Variants in LRRC49 observed in about 807,000 individuals in gnomAD.
LRRC49 encodes the protein leucine rich repeat containing 49.
A neutral mutation model predicts 83.3 loss-of-function variants in LRRC49; 50 were observed. That is an observed-to-expected ratio of 0.60 (90% CI 0.48 to 0.76). LRRC49 has a LOEUF of 0.76. Ranked by LOEUF, LRRC49 falls within the 30% of genes least tolerant of loss-of-function variation. The pLI, the probability that LRRC49 is intolerant of heterozygous loss-of-function variation, is 0.00. For synonymous variants in LRRC49, 286 were observed against 283.3 expected, an observed-to-expected ratio of 1.01 and a Z score of -0.10; for missense variants, 704 against 809.1, an observed-to-expected ratio of 0.87 and a Z score of 1.58.
At chr15:70,978,590 G>T (rs1327719311) in intron 9 of LRRC49, among the ~76,000 whole-genome samples, 2 of 152,122 alleles carry the variant, frequency 1.3e-5, no homozygotes, top group Non-Finnish European at 2.9e-5. Flanking sequence ...GTTGAAATCT[G>T]GTAGGAGTAT....
chr15:70,856,655 C>T (rs2032661194), intron 1 of LRRC49, among the ~76,000 whole-genome samples: 1 of 152,216 alleles, frequency 6.6e-6, no homozygotes, highest in Non-Finnish European at 1.5e-5. Context: ...GAGCGGAGGA[C>T]AGAAACCCTC....
At chr15:70,892,970 CT>C in intron 1 of LRRC49, 28 bp downstream of exon 1, 1 of 1,612,302 alleles carries the variant, frequency 6.2e-7, no homozygotes, top group Non-Finnish European at 8.5e-7. Context: ...CTTTCTCTTT[CT>C]TCCCACTGGT....
intron 14 of LRRC49, among the ~76,000 whole-genome samples, chr15:71,032,951 G>A (rs908806243): frequency 3.9e-5 from 6 of 152,074 alleles, no homozygotes; most frequent in Admixed American, 6.6e-5. Context: ...AAAACCAGCA[G>A]AAGATAAGGA....
intron 7 of LRRC49, among the ~76,000 whole-genome samples, chr15:70,921,462 A>G (rs571636836): frequency 6.6e-6 from 1 of 152,192 alleles, no homozygotes; most frequent in East Asian, 1.9e-4. Flanking sequence ...CAGAAGTGGG[A>G]GTGGGTGGGT....
chr15:70,854,464 G>C (rs2032599769), intron 1 of LRRC49, among the ~76,000 whole-genome samples: 1 of 152,216 alleles, frequency 6.6e-6, no homozygotes, highest in Non-Finnish European at 1.5e-5. Context: ...TTCTTTCACG[G>C]CGCCGCAGGG....
intron 8 of LRRC49, among the ~76,000 whole-genome samples, chr15:70,949,282 C>T (rs1283993703): frequency 1.3e-5 from 2 of 152,146 alleles, no homozygotes; most frequent in African/African-American, 4.8e-5. Context: ...CGATGGACCA[C>T]ATTTACAATG....
intron 1 of LRRC49, among the ~76,000 whole-genome samples, chr15:70,865,049 A>C (rs1292765406): frequency 6.6e-6 from 1 of 152,156 alleles, no homozygotes; most frequent in African/African-American, 2.4e-5. Flanking sequence ...ATTCTGGAAG[A>C]AGCCTTTTCC....
chr15:70,917,666 C>A (rs1228455832), intron 6 of LRRC49, among the ~76,000 whole-genome samples: 1 of 152,192 alleles, frequency 6.6e-6, no homozygotes, highest in African/African-American at 2.4e-5. Context: ...GAGCTACCCT[C>A]TCTGCTAGGA....
At chr15:70,891,983 G>C (rs1258756598), upstream of LRRC49, 1 of 1,613,416 alleles carries the variant, frequency 6.2e-7, no homozygotes, top group Admixed American at 1.7e-5. Flanking sequence ...TCCCCTCTTA[G>C]GTGCCGGGGC....
At chr15:70,893,011 G>A in intron 1 of LRRC49, 69 bp downstream of exon 1, 1 of 1,542,268 alleles carries the variant, frequency 6.5e-7, no homozygotes, top group Non-Finnish European at 9.0e-7. Flanking sequence ...TTTGTCCTAG[G>A]AGATGGGCTG....
At chr15:70,892,310 GA>G (rs1269745086), upstream of LRRC49, 8 of 1,550,530 alleles carry the variant, frequency 5.2e-6, no homozygotes, top group Non-Finnish European at 4.4e-6. Flanking sequence ...GGGTTCCCTG[GA>G]CCTTCGCCCT....
At chr15:70,939,330 G>A (rs969087937) in intron 8 of LRRC49, among the ~76,000 whole-genome samples, 4 of 152,258 alleles carry the variant, frequency 2.6e-5, no homozygotes, top group Middle Eastern at 3.4e-3. Context: ...GATTTATAAG[G>A]AGAACTTAAT....
chr15:70,936,859 T>A, intron 8 of LRRC49, 37 bp downstream of exon 8: 1 of 1,363,920 alleles, frequency 7.3e-7, no homozygotes, highest in African/African-American at 1.4e-5. Context: ...TCATTATAAC[T>A]TGATTGTGTG....
intron 4 of LRRC49, among the ~76,000 whole-genome samples, chr15:70,904,287 G>T (rs111416591): frequency 2.0e-5 from 3 of 152,150 alleles, no homozygotes; most frequent in African/African-American, 4.8e-5. Context: ...TCAATTTCAT[G>T]TGAAATAACT....
At position 70,892,953 on chromosome 15, in the gene LRRC49, C is replaced by A; in HGVS notation, c.48+11C>A. ...CGGGCTGCGAACAACGTAAGTTGGG[C>A]CTTCTACTTTCTCTTTCTTCCCACT... On this transcript the variant is annotated intron_variant, in intron 1 of 15. Coordinates refer to ENST00000260382, the MANE Select transcript of LRRC49 (RefSeq NM_017691.5). 1 of 1,613,978 alleles carries A rather than the reference C, an allele frequency of 6.2e-7. No homozygotes were observed. Among genetic ancestry groups the A allele is most frequent in the African/African-American group, 1.3e-5 (1 of 75,028 alleles).
chr15:71,032,558 A>G (rs556125294), intron 14 of LRRC49, among the ~76,000 whole-genome samples: 37 of 152,316 alleles, frequency 2.4e-4, no homozygotes, highest in Admixed American at 9.2e-4. Flanking sequence ...AGGTACAACA[A>G]AATAGAAAAC....
At chr15:70,931,748 G>A (rs1393174082) in intron 7 of LRRC49, among the ~76,000 whole-genome samples, 1 of 151,916 alleles carries the variant, frequency 6.6e-6, no homozygotes, top group Non-Finnish European at 1.5e-5. Context: ...GTTACTCATG[G>A]TAATTTTTTC....
intron 1 of LRRC49, among the ~76,000 whole-genome samples, chr15:70,871,582 G>GC (rs2033039799): frequency 1.3e-5 from 2 of 150,196 alleles, no homozygotes; most frequent in Admixed American, 6.6e-5. Flanking sequence ...GGCGGGGGCT[G>GC]CCCCCCACCT....
chr15:71,034,401 G>A (rs2039455812), intron 14 of LRRC49, among the ~76,000 whole-genome samples: 1 of 152,154 alleles, frequency 6.6e-6, no homozygotes, highest in Admixed American at 6.5e-5. Context: ...TGGAGAGGAT[G>A]TGGAGAAATA....
Sources: allele counts gnomAD v4.1 joint callset (sites outside exome capture counted in the v4.1 genomes callset), GRCh38; gene constraint gnomAD v4.1.1; transcripts MANE v1.5; gene names NCBI Gene and HGNC (gene_info 2026-07-23, HGNC 2026-07-21).